SMIM36: variants seen among roughly 807,000 people sequenced by gnomAD.
The protein encoded by SMIM36 is small integral membrane protein 36.
chr17:55,464,497 T>C (rs1236872962), intron 4 of SMIM36, among the ~76,000 whole-genome samples: 1 of 144,636 alleles, frequency 6.9e-6, no homozygotes, highest in Non-Finnish European at 1.5e-5. Context: ...AAAACAAAAT[T>C]AAAAAAAAAA....
chr17:55,481,025 T>C (rs1323332349), intron 1 of SMIM36, among the ~76,000 whole-genome samples: 1 of 152,134 alleles, frequency 6.6e-6, no homozygotes, highest in Non-Finnish European at 1.5e-5. Context: ...CACATACATA[T>C]ATACATTCTC....
rs907096656 is a variant in SMIM36 at position 55,490,683 on chromosome 17, G to A, written c.*175-11103C>T. 4.6e-5 allele frequency among the ~76,000 whole-genome samples: 7 copies of A among 152,022 alleles called. No homozygotes were observed. In the East Asian group the frequency reaches 5.8e-4, roughly 13 times the overall value. ...CCAAACAGATTTGCAACTGAGATTC[G>A]AAATGCTGTGTTATGAGGACCCAGG... On this transcript the variant is annotated intron_variant, in intron 1 of 4. Coordinates refer to ENST00000636752, the Ensembl canonical transcript of SMIM36.
At chr17:55,488,389 T>C (rs1043273711) in intron 1 of SMIM36, among the ~76,000 whole-genome samples, 2 of 152,232 alleles carry the variant, frequency 1.3e-5, no homozygotes, top group Non-Finnish European at 2.9e-5. Context: ...AGATTCATTG[T>C]AGAAAAATTG....
At chr17:55,511,800 A>T (rs185119259), upstream of SMIM36, among the ~76,000 whole-genome samples, 2 of 152,338 alleles carry the variant, frequency 1.3e-5, no homozygotes, top group East Asian at 3.9e-4. Flanking sequence ...TTGGAAGATT[A>T]GGTCAGTAGG....
At chr17:55,519,917 G>T in the SMIM36 span, among the ~76,000 whole-genome samples, 140 of 152,270 alleles carry the variant, frequency 9.2e-4, no homozygotes, top group African/African-American at 3.3e-3. Flanking sequence ...ATTTTTTGTG[G>T]TTGCTCTAAC....
upstream of SMIM36, among the ~76,000 whole-genome samples, chr17:55,516,126 T>G (rs1910272086): frequency 6.6e-6 from 1 of 152,152 alleles, no homozygotes; most frequent in African/African-American, 2.4e-5. Flanking sequence ...TGATGTAGCC[T>G]TTTATATCTT....
At chr17:55,501,735 C>A (rs1909985750) in intron 1 of SMIM36, among the ~76,000 whole-genome samples, 1 of 150,816 alleles carries the variant, frequency 6.6e-6, no homozygotes, top group Non-Finnish European at 1.5e-5. Flanking sequence ...GCCAAGATGG[C>A]CGAATAGGAA....
the SMIM36 span, among the ~76,000 whole-genome samples, chr17:55,530,151 G>A: frequency 7.9e-5 from 12 of 152,216 alleles, no homozygotes; most frequent in Non-Finnish European, 1.6e-4. Flanking sequence ...TAAACTCCAT[G>A]GGGATTTGGC....
exon 1 of SMIM36, chr17:55,511,402 A>T: frequency 5.0e-6 from 2 of 397,702 alleles, no homozygotes; most frequent in Non-Finnish European, 4.4e-6. Context: ...CATTGCAGAG[A>T]GCAGATCTTA....
At chr17:55,500,801 A>G (rs1423073030) in intron 1 of SMIM36, among the ~76,000 whole-genome samples, 1 of 36,326 alleles carries the variant, frequency 2.8e-5, no homozygotes, top group Non-Finnish European at 3.5e-5. Flanking sequence ...TATATTTTAT[A>G]ATATATTATA....
intron 3 of SMIM36, among the ~76,000 whole-genome samples, chr17:55,472,415 A>G (rs144360620): frequency 1.3e-5 from 2 of 152,160 alleles, no homozygotes; most frequent in Non-Finnish European, 1.5e-5. Flanking sequence ...CTCCATAACC[A>G]TGCTGCCATC....
the SMIM36 span, among the ~76,000 whole-genome samples, chr17:55,523,874 C>T: frequency 2.0e-3 from 298 of 152,130 alleles, 9 homozygotes; most frequent in East Asian, 0.044. Flanking sequence ...TTGAGGATAA[C>T]ATATTAATAT....
chr17:55,487,989 C>T (rs575459241), intron 1 of SMIM36, among the ~76,000 whole-genome samples: 77 of 152,256 alleles, frequency 5.1e-4, no homozygotes, highest in Non-Finnish European at 9.0e-4. Flanking sequence ...TTCTGAAAAC[C>T]CCAGTAAGAG....
intron 4 of SMIM36, among the ~76,000 whole-genome samples, chr17:55,459,556 C>T (rs1340804917): frequency 6.6e-6 from 1 of 152,174 alleles, no homozygotes; most frequent in Non-Finnish European, 1.5e-5. Flanking sequence ...TCATACTGTT[C>T]AGTTCTTTAC....
At chr17:55,508,431 A>ATAT (rs1910118591) in intron 1 of SMIM36, among the ~76,000 whole-genome samples, 1 of 114,338 alleles carries the variant, frequency 8.7e-6, no homozygotes, top group Non-Finnish European at 1.7e-5. Context: ...TATTCCTAGG[A>ATAT]ATATATATAT....
chr17:55,474,127 G>A (rs1909387466), intron 3 of SMIM36, among the ~76,000 whole-genome samples: 1 of 152,196 alleles, frequency 6.6e-6, no homozygotes, highest in East Asian at 1.9e-4. Flanking sequence ...CACTCAGGGA[G>A]CTTGGTTGTT....
the SMIM36 span, among the ~76,000 whole-genome samples, chr17:55,525,063 G>T: frequency 2.0e-5 from 3 of 152,290 alleles, no homozygotes; most frequent in East Asian, 5.8e-4. Flanking sequence ...CAGAGCCAAG[G>T]CTTGAATCTA....
At chr17:55,459,049 A>G (rs1909087278) in intron 4 of SMIM36, among the ~76,000 whole-genome samples, 2 of 152,172 alleles carry the variant, frequency 1.3e-5, no homozygotes, top group South Asian at 4.1e-4. Flanking sequence ...GGAGCTGTCA[A>G]CATTCACCCC....
intron 1 of SMIM36, among the ~76,000 whole-genome samples, chr17:55,485,545 T>C (rs554278682): frequency 2.0e-5 from 3 of 151,852 alleles, no homozygotes; most frequent in African/African-American, 7.3e-5. Flanking sequence ...CACCTCGGCC[T>C]CTCAAAATGC....
Sources: gnomAD v4.1 joint callset for allele counts (sites outside exome capture counted in the v4.1 genomes callset) on GRCh38, gnomAD v4.1.1 for gene constraint, MANE v1.5 for transcripts, NCBI Gene and HGNC (gene_info 2026-07-23, HGNC 2026-07-21) for gene names.